Variants in BRD10 observed in about 807,000 individuals in gnomAD.
BRD10 encodes bromodomain containing 10.
the BRD10 span, among the ~76,000 whole-genome samples, chr9:5,978,259 A>C: frequency 6.6e-6 from 1 of 152,172 alleles, no homozygotes; most frequent in Non-Finnish European, 1.5e-5. Context: ...AGATTTCCAA[A>C]AGAAAATTAA....
At chr9:5,950,720 C>T in the BRD10 span, among the ~76,000 whole-genome samples, 13 of 152,146 alleles carry the variant, frequency 8.5e-5, no homozygotes, top group East Asian at 1.7e-3. Context: ...CCTCGGTATC[C>T]GTGGGGTACT....
the BRD10 span, chr9:5,919,650 C>G: frequency 6.5e-7 from 1 of 1,548,058 alleles, no homozygotes; most frequent in Non-Finnish European, 8.7e-7. Flanking sequence ...AAACAATGCC[C>G]CATTATTTAA....
chr9:5,912,881 A>G, the BRD10 span, among the ~76,000 whole-genome samples: 1 of 152,196 alleles, frequency 6.6e-6, no homozygotes, highest in Non-Finnish European at 1.5e-5. Flanking sequence ...CTCTGGCTGC[A>G]ATAAGCATTT....
the BRD10 span, among the ~76,000 whole-genome samples, chr9:6,001,825 G>A: frequency 6.6e-6 from 1 of 152,132 alleles, no homozygotes; most frequent in African/African-American, 2.4e-5. Context: ...CATCACGGTA[G>A]TATACATCCT....
At chr9:5,883,462 C>CT in the BRD10 span, among the ~76,000 whole-genome samples, 2,209 of 102,276 alleles carry the variant, frequency 0.022, 121 homozygotes, top group African/African-American at 0.069. Context: ...CCTTCTTCTT[C>CT]TTTTTTTTTT....
chr9:5,893,139 T>C, the BRD10 span, among the ~76,000 whole-genome samples: 17 of 152,244 alleles, frequency 1.1e-4, no homozygotes, highest in African/African-American at 3.9e-4. Context: ...CGTGAGACAC[T>C]GTTTTTATCT....
chr9:5,968,308 T>G, the BRD10 span: 2 of 1,611,078 alleles, frequency 1.2e-6, no homozygotes, highest in Non-Finnish European at 1.7e-6. Context: ...TTACATGTAT[T>G]TGGCAAGATT....
At chr9:5,919,529 A>G in the BRD10 span, 4 of 477,724 alleles carry the variant, frequency 8.4e-6, no homozygotes, top group East Asian at 1.3e-4. Context: ...CAAGCTAATG[A>G]AAAGATACAT....
the BRD10 span, chr9:5,968,901 C>T: frequency 2.2e-5 from 36 of 1,612,844 alleles, no homozygotes; most frequent in Non-Finnish European, 2.9e-5. Flanking sequence ...GCATCTTGAA[C>T]TTCCTTTTGT....
At chr9:5,885,728 T>C in the BRD10 span, among the ~76,000 whole-genome samples, 2 of 152,164 alleles carry the variant, frequency 1.3e-5, no homozygotes, top group East Asian at 1.9e-4. Flanking sequence ...CCTATTCCTA[T>C]GTTGCAGATG....
chr9:5,955,078 A>C, the BRD10 span, among the ~76,000 whole-genome samples: 3 of 152,072 alleles, frequency 2.0e-5, no homozygotes, highest in South Asian at 6.2e-4. Flanking sequence ...ACAATAGTGA[A>C]ACTCTGTCTC....
chr9:5,992,526 C>G, the BRD10 span, among the ~76,000 whole-genome samples: 16 of 39,074 alleles, frequency 4.1e-4, no homozygotes, highest in Non-Finnish European at 7.1e-3. Flanking sequence ...AATAGCTCTC[C>G]CATTGCAAAA....
At chr9:5,986,723 T>C in the BRD10 span, among the ~76,000 whole-genome samples, 1 of 152,350 alleles carries the variant, frequency 6.6e-6, no homozygotes, top group South Asian at 2.1e-4. Context: ...TAAATTATCA[T>C]AGTTACTATG....
chr9:5,900,310 G>A, the BRD10 span, among the ~76,000 whole-genome samples: 1 of 152,080 alleles, frequency 6.6e-6, no homozygotes, highest in African/African-American at 2.4e-5. Context: ...TGTAGTTTCT[G>A]AGACTTTTTA....
the BRD10 span, among the ~76,000 whole-genome samples, chr9:6,001,215 G>A: frequency 6.6e-6 from 1 of 152,016 alleles, no homozygotes; most frequent in African/African-American, 2.4e-5. Context: ...ATTATCTCTT[G>A]ATGGAATTAA....
chr9:5,905,885 G>T, the BRD10 span, among the ~76,000 whole-genome samples: 1 of 152,070 alleles, frequency 6.6e-6, no homozygotes, highest in Non-Finnish European at 1.5e-5. Flanking sequence ...CATTCATATC[G>T]GCACAGAATA....
the BRD10 span, among the ~76,000 whole-genome samples, chr9:5,949,883 C>A: frequency 3.2e-4 from 48 of 152,156 alleles, no homozygotes; most frequent in African/African-American, 1.2e-3. Context: ...ATTCACTTTT[C>A]AGTCTAATAG....
At chr9:5,920,273 C>T in the BRD10 span, 1 of 1,613,836 alleles carries the variant, frequency 6.2e-7, no homozygotes, top group Non-Finnish European at 8.5e-7. Context: ...GAGAACATGG[C>T]TGCCAGCTCC....
At chr9:5,884,231 A>G in the BRD10 span, among the ~76,000 whole-genome samples, 1 of 152,308 alleles carries the variant, frequency 6.6e-6, no homozygotes, top group East Asian at 1.9e-4. Flanking sequence ...TGGGAGGTAG[A>G]TATCTTCATG....
Sources: gnomAD v4.1 joint callset for allele counts (sites outside exome capture counted in the v4.1 genomes callset) on GRCh38, gnomAD v4.1.1 for gene constraint, MANE v1.5 for transcripts, NCBI Gene and HGNC (gene_info 2026-07-23, HGNC 2026-07-21) for gene names.